FNIP1: variants seen among roughly 807,000 people sequenced by gnomAD.
The protein encoded by FNIP1 is folliculin interacting protein 1.
Under a neutral mutation model 124.5 loss-of-function variants are expected in FNIP1, and 40 were observed. The ratio of observed to expected loss-of-function variants is 0.32; its 90% confidence interval spans 0.25 to 0.42. The LOEUF (loss-of-function observed/expected upper bound fraction) is 0.42. Among genes scored for constraint, FNIP1 ranks in the 10% least tolerant of loss-of-function variants. FNIP1 has a pLI of 1.00. For synonymous variants in FNIP1, 472 were observed against 470.6 expected, an observed-to-expected ratio of 1.00 and a Z score of -0.04; for missense variants, 1,176 against 1,403.7, an observed-to-expected ratio of 0.84 and a Z score of 2.59.
rs566037840 is a variant in FNIP1 at position 131,753,751 on chromosome 5, A to G, written c.93-9061T>C. 8.5e-5 allele frequency among the ~76,000 whole-genome samples: 13 copies of G among 152,336 alleles called. No homozygotes were observed. The South Asian group carries it at 2.5e-3, about 29-fold the overall frequency. On this transcript the variant is annotated intron_variant, in intron 1 of 17. Transcript: ENST00000510461. ...ATAGCTCAATTTTTAAAAGAGAAAG[A>G]CTACTAAAAAAAGTAATACTATATT...
At chr5:131,709,381 T>C (rs1313330537) in intron 7 of FNIP1, 109 bp from the exon 8 acceptor site, 1 of 903,234 alleles carries the variant, frequency 1.1e-6, no homozygotes, top group South Asian at 1.5e-5. Flanking sequence ...TGCATTCCCT[T>C]ATTTTTTTCA....
intron 1 of FNIP1, among the ~76,000 whole-genome samples, chr5:131,754,865 T>C (rs1295591426): frequency 6.6e-6 from 1 of 152,180 alleles, no homozygotes; most frequent in Non-Finnish European, 1.5e-5. Flanking sequence ...TTATATACCC[T>C]GAACTAAGGA....
chr5:131,764,307 CT>C (rs77846852), intron 1 of FNIP1, among the ~76,000 whole-genome samples: 2,466 of 137,014 alleles, frequency 0.018, 16 homozygotes, highest in African/African-American at 0.04. Context: ...CCTAAAACAC[CT>C]TTTTTTTTTT....
At chr5:131,765,237 A>AG (rs1771380121) in intron 1 of FNIP1, among the ~76,000 whole-genome samples, 2 of 152,136 alleles carry the variant, frequency 1.3e-5, no homozygotes, top group Non-Finnish European at 2.9e-5. Context: ...GAAAAAAAAA[A>AG]GCATCATGAA....
chr5:131,645,298 A>G (rs1156326217), intron 17 of FNIP1, among the ~76,000 whole-genome samples: 4 of 139,666 alleles, frequency 2.9e-5, no homozygotes, highest in Non-Finnish European at 6.4e-5. Flanking sequence ...CAACAGAGCA[A>G]GACCCTGTCT....
intron 15 of FNIP1, among the ~76,000 whole-genome samples, chr5:131,656,541 G>T (rs1376327776): frequency 6.6e-6 from 1 of 152,128 alleles, no homozygotes; most frequent in Non-Finnish European, 1.5e-5. Context: ...ACAACTTAAA[G>T]CAAAAGGAGG....
At chr5:131,688,473 A>C (rs1256836540) in intron 11 of FNIP1, among the ~76,000 whole-genome samples, 2 of 151,832 alleles carry the variant, frequency 1.3e-5, no homozygotes, top group Admixed American at 6.6e-5. Context: ...AAAAATTAGA[A>C]AGCAACAAAA....
chr5:131,769,783 A>T (rs1202798805), intron 1 of FNIP1, among the ~76,000 whole-genome samples: 1 of 152,136 alleles, frequency 6.6e-6, no homozygotes, highest in African/African-American at 2.4e-5. Context: ...TTCACTGAAG[A>T]GTCTGGGATT....
Position 131,672,328 on chromosome 5 carries a change from A to T in FNIP1, c.2116T>A (p.Trp706Arg), listed in dbSNP as rs781161480. The change falls in exon 14 of 18, where the codon TGG becomes AGG. Residue 706 changes from tryptophan to arginine, a missense_variant. Around this residue, in one of 2 missense-constraint regions of FNIP1, gnomAD observed 1,109 missense variants for 1,288.5 expected, o/e 0.86. Coordinates refer to ENST00000510461, the MANE Select transcript of FNIP1 (RefSeq NM_133372.3). ...GAATCCAGCAACTTCTCACTCTGCC[A>T]TGTTTCCTCTGTTGACTCTAAGCCT... ...ESGLESTEETWQSEKLLDSDS... is the reference protein window; with the variant it reads ...ESGLESTEETRQSEKLLDSDS... 63 of 1,614,070 alleles carry T rather than the reference A, an allele frequency of 3.9e-5. No individual in the cohort carries two copies. The highest frequency in any genetic ancestry group is 5.3e-5 in the Non-Finnish European group (62 of 1,180,046).
intron 16 of FNIP1, among the ~76,000 whole-genome samples, chr5:131,650,839 C>T (rs900328956): frequency 1.3e-5 from 2 of 152,082 alleles, no homozygotes; most frequent in Admixed American, 6.6e-5. Context: ...AAGAAAGAAC[C>T]TTGAAAGTTG....
At chr5:131,730,569 T>C (rs1427196857) in intron 3 of FNIP1, among the ~76,000 whole-genome samples, 1 of 152,234 alleles carries the variant, frequency 6.6e-6, no homozygotes, top group Admixed American at 6.5e-5. Context: ...AATCATACTT[T>C]AATTTCATAC....
rs958104248 is a variant in FNIP1, at chr5:131,702,351, A to AT, written c.1116+1713dup. Among the ~76,000 whole-genome samples, 865 of 151,318 alleles carry AT rather than the reference A, an allele frequency of 5.7e-3. 29 individuals are homozygous for AT. Among genetic ancestry groups the AT allele is most frequent in the Middle Eastern group, 3.4e-3 (1 of 294 alleles). On this transcript the variant is annotated intron_variant, in intron 10 of 17. Transcript: ENST00000510461. ...TCCCCCATGCCTGGCTAATTTTTAA[A>AT]TTTTTTTTTGTAGAGACCGGGTCTT...
chr5:131,647,218 AG>A lies in FNIP1; in HGVS notation c.3307-14del, dbSNP rs748655508. 1 of 1,600,938 alleles carries A rather than the reference AG, an allele frequency of 6.2e-7. No homozygotes were observed. The highest frequency in any genetic ancestry group is 8.6e-7 in the Non-Finnish European group (1 of 1,168,168). On this transcript the variant is annotated splice_polypyrimidine_tract_variant and intron_variant, in intron 16 of 17. Coordinates refer to ENST00000510461, the MANE Select transcript of FNIP1 (RefSeq NM_133372.3). ...GATGCATTACACACTGCAGTTAGGGAGGAACCAAGAACCAGGTCAGAAAACA... is the reference window on the plus strand; with the variant it reads ...GATGCATTACACACTGCAGTTAGGGAGAACCAAGAACCAGGTCAGAAAACA...
At chr5:131,668,974 AAAAC>A (rs1767678101) in intron 15 of FNIP1, among the ~76,000 whole-genome samples, 1 of 152,226 alleles carries the variant, frequency 6.6e-6, no homozygotes, top group Non-Finnish European at 1.5e-5. Context: ...CACCATTTGA[AAAAC>A]AAACAAACAA....
chr5:131,708,179 A>C (rs567060707), intron 8 of FNIP1, among the ~76,000 whole-genome samples: 2 of 152,156 alleles, frequency 1.3e-5, no homozygotes, highest in South Asian at 2.1e-4. Flanking sequence ...GTTACACGAG[A>C]GTCTTTGAAA....
intron 11 of FNIP1, among the ~76,000 whole-genome samples, chr5:131,682,585 T>G (rs1327997624): frequency 6.6e-6 from 1 of 151,912 alleles, no homozygotes; most frequent in African/African-American, 2.4e-5. Flanking sequence ...GGTGTGGTGG[T>G]GAGTGCCTGT....
intron 1 of FNIP1, among the ~76,000 whole-genome samples, chr5:131,785,994 T>C (rs2149587622): frequency 1.3e-5 from 2 of 152,254 alleles, no homozygotes; most frequent in African/African-American, 4.8e-5. Flanking sequence ...ATTCCAAAAC[T>C]TATTCTGGAA....
Position 131,768,304 on chromosome 5 carries a change from G to A in FNIP1, c.93-23614C>T, listed in dbSNP as rs114368292. 4.2e-3 allele frequency among the ~76,000 whole-genome samples: 638 copies of A among 152,104 alleles called. 6 individuals carry two copies. The highest frequency in any genetic ancestry group is 0.015 in the African/African-American group (610 of 41,498). ...TTTACTTAGTATTTTTCAGCAATACGTATACCTAATTGAAATGTACCTGGC... is the reference window on the plus strand; with the variant it reads ...TTTACTTAGTATTTTTCAGCAATACATATACCTAATTGAAATGTACCTGGC... On this transcript the variant is annotated intron_variant, in intron 1 of 17. Coordinates refer to ENST00000510461, the MANE Select transcript of FNIP1 (RefSeq NM_133372.3).
intron 2 of FNIP1, 147 bp downstream of exon 2, chr5:131,744,417 T>C: frequency 1.4e-6 from 1 of 730,136 alleles, no homozygotes; most frequent in Non-Finnish European, 2.1e-6. Context: ...CAAATCAAAA[T>C]GTTAGATTCA....
Sources: gnomAD v4.1 joint callset for allele counts (sites outside exome capture counted in the v4.1 genomes callset) on GRCh38, gnomAD v4.1.1 for gene constraint, gnomAD v4.1.1 regional missense constraint, MANE v1.5 for transcripts, NCBI Gene and HGNC (gene_info 2026-07-23, HGNC 2026-07-21) for gene names.